The following WDR72 variants were observed in gnomAD, a reference collection of about 807,000 sequenced individuals.
WDR72 encodes WD repeat-containing protein 72.
Under a neutral mutation model 124.2 loss-of-function variants are expected in WDR72, and 120 were observed. The observed-to-expected ratio is 0.97, with a 90% CI of 0.83 to 1.12. WDR72 has a LOEUF of 1.12. WDR72 is among the 50% of genes most tolerant of loss of function. WDR72 has a pLI of 0.00. For synonymous variants in WDR72, 452 were observed against 441.7 expected, an observed-to-expected ratio of 1.02 and a Z score of -0.29; for missense variants, 1,387 against 1,278.8, an observed-to-expected ratio of 1.08 and a Z score of -1.29.
At chr15:53,613,846 T>G in intron 15 of WDR72, 89 bp from the exon 16 acceptor site, 1 of 826,842 alleles carries the variant, frequency 1.2e-6, no homozygotes, top group Non-Finnish European at 2.0e-6. Flanking sequence ...CATGACCACT[T>G]TAGCAAATTT....
At chr15:53,556,071 T>C (rs1203215017) in intron 18 of WDR72, among the ~76,000 whole-genome samples, 4 of 152,184 alleles carry the variant, frequency 2.6e-5, no homozygotes, top group Non-Finnish European at 4.4e-5. Flanking sequence ...GATGACAATG[T>C]ATTCCATCAT....
chr15:53,737,880 TTATAAAACTGTGACCC>T (rs1294601672), intron 1 of WDR72, among the ~76,000 whole-genome samples: 1 of 152,280 alleles, frequency 6.6e-6, no homozygotes, highest in African/African-American at 2.4e-5. Flanking sequence ...CATACAACAT[TTATAAAACTGTGACCC>T]TCCTGGACCA....
chr15:53,559,609 T>A (rs549486596), intron 18 of WDR72, among the ~76,000 whole-genome samples: 1 of 152,118 alleles, frequency 6.6e-6, no homozygotes, highest in African/African-American at 2.4e-5. Context: ...GAAGGTTTTG[T>A]GATCCTGACT....
At position 53,702,337 on chromosome 15, in the gene WDR72, C is replaced by A; in HGVS notation, c.1366G>T (p.Val456Phe). 6.2e-7 allele frequency: 1 copy of A among 1,613,426 alleles called. No homozygotes were observed. The highest frequency in any genetic ancestry group is 1.3e-5 in the African/African-American group (1 of 75,024). The change falls in exon 12 of 20, where the codon GTT becomes TTT. Residue 456 changes from valine (V) to phenylalanine (F), a missense_variant. Coordinates refer to ENST00000360509, the MANE Select transcript of WDR72 (RefSeq NM_182758.4). ...SLVKDSPPHKVLKGHHQSVTS... is the reference protein window; with the variant it reads ...SLVKDSPPHKFLKGHHQSVTS... Reference sequence around the variant, plus strand: ...ACACTTTGGTGGTGGCCTTTAAGAACTTTATGAGGGGGAGAATCTGAAAAA... The same window carrying A: ...ACACTTTGGTGGTGGCCTTTAAGAAATTTATGAGGGGGAGAATCTGAAAAA...
intron 18 of WDR72, among the ~76,000 whole-genome samples, chr15:53,533,226 C>G (rs7173490): frequency 0.81 from 122,578 of 151,996 alleles, 50,445 homozygotes; most frequent in East Asian, 0.91. Context: ...ATGGGGAGGA[C>G]AGTTTATTTA....
chr15:53,647,641 C>A (rs1013159429), intron 14 of WDR72, among the ~76,000 whole-genome samples: 6 of 152,224 alleles, frequency 3.9e-5, no homozygotes, highest in African/African-American at 1.4e-4. Flanking sequence ...GCTTCTGCTT[C>A]ATTAGCTCTG....
intron 18 of WDR72, among the ~76,000 whole-genome samples, chr15:53,553,605 C>G (rs189763956): frequency 1.2e-4 from 18 of 152,172 alleles, no homozygotes; most frequent in Admixed American, 1.1e-3. Flanking sequence ...TATTTTAGCA[C>G]TGGCAAAGAA....
chr15:53,699,810 C>T lies in WDR72; in HGVS notation c.1705G>A (p.Glu569Lys). The change falls in exon 13 of 20, where the codon GAG (glutamate) becomes AAG (lysine). Residue 569 changes from glutamate to lysine, a missense_variant. Transcript: ENST00000360509. ...GCACATCCAACAATTAAAAAATTCT[C>T]AACCGGGTGCCATTTTATCATCCTC... ...PVRMIKWHPV[E>K]NFLIVGCADD... 2 of 1,614,164 alleles carry T rather than the reference C, an allele frequency of 1.2e-6. No individual in the cohort carries two copies. The highest frequency in any genetic ancestry group is 1.1e-5 in the South Asian group (1 of 91,084).
Position 53,715,323 on chromosome 15 carries a change from A to G in WDR72, c.384T>C (p.Leu128=), listed in dbSNP as rs1259376042. The change falls in exon 5 of 20, where the codon CTT becomes CTC. Residue 128 remains leucine (L), a synonymous_variant. Transcript: ENST00000360509. ...SFRMTGEGWL[L]CCGEYQDVLI... ...GGACATCTTGATATTCTCCACAACA[A>G]AGAAGCCAGCCTTCTCCTGTCATCC... 4 of 1,614,060 alleles carry G rather than the reference A, an allele frequency of 2.5e-6. No individual in the cohort carries two copies. The highest frequency in any genetic ancestry group is 3.4e-6 in the Non-Finnish European group (4 of 1,180,024).
chr15:53,539,939 G>A (rs1230623100), intron 18 of WDR72, among the ~76,000 whole-genome samples: 1 of 152,062 alleles, frequency 6.6e-6, no homozygotes, highest in East Asian at 1.9e-4. Flanking sequence ...AAAGATAAAA[G>A]GATAGACAGG....
At chr15:53,758,214 TG>T (rs1007253842) in intron 1 of WDR72, among the ~76,000 whole-genome samples, 5 of 152,246 alleles carry the variant, frequency 3.3e-5, no homozygotes, top group East Asian at 1.9e-4. Flanking sequence ...TTGCCCAGGC[TG>T]GTCTGGAACT....
chr15:53,623,133 A>T (rs2014068410), intron 14 of WDR72, among the ~76,000 whole-genome samples: 1 of 151,836 alleles, frequency 6.6e-6, no homozygotes, highest in African/African-American at 2.4e-5. Context: ...TAATTAACTA[A>T]CTCTTTTTTT....
chr15:53,586,098 C>G (rs1448975934), intron 18 of WDR72, among the ~76,000 whole-genome samples: 1 of 151,998 alleles, frequency 6.6e-6, no homozygotes, highest in Non-Finnish European at 1.5e-5. Context: ...ACATCATATT[C>G]TTCTCAGATT....
intron 18 of WDR72, among the ~76,000 whole-genome samples, chr15:53,564,629 C>CGAT (rs999449181): frequency 6.6e-5 from 10 of 151,846 alleles, no homozygotes; most frequent in Non-Finnish European, 1.5e-4. Flanking sequence ...GTATGGCCTT[C>CGAT]GATAAACCAT....
chr15:53,601,302 C>T (rs1359601531), intron 17 of WDR72, among the ~76,000 whole-genome samples: 1 of 152,062 alleles, frequency 6.6e-6, no homozygotes, highest in Non-Finnish European at 1.5e-5. Context: ...CTCAGACAAG[C>T]AAATACTAAG....
intron 18 of WDR72, among the ~76,000 whole-genome samples, chr15:53,526,770 A>T (rs1892142857): frequency 6.6e-6 from 1 of 152,122 alleles, no homozygotes; most frequent in Non-Finnish European, 1.5e-5. Context: ...TTTGACATCA[A>T]TATAATGCAA....
rs984342412 is a variant in WDR72, at chr15:53,673,282, G to GA, written c.1766-7515dup. On this transcript the variant is annotated intron_variant, in intron 13 of 19. Coordinates refer to ENST00000360509, the MANE Select transcript of WDR72 (RefSeq NM_182758.4). Reference sequence around the variant, plus strand: ...AATTAACTCGGTCCACTAAGTCTATGAAAAAAAAGAATAGCTATTATGCTC... The same window carrying GA: ...AATTAACTCGGTCCACTAAGTCTATGAAAAAAAAAGAATAGCTATTATGCTC... Among the ~76,000 whole-genome samples the GA allele has an allele frequency of 1.7e-4, 26 of 151,778 alleles. 1 individual carries two copies. The highest frequency in any genetic ancestry group is 5.8e-4 in the East Asian group (3 of 5,170).
intron 18 of WDR72, among the ~76,000 whole-genome samples, chr15:53,559,523 G>A (rs1432457542): frequency 6.6e-6 from 1 of 151,970 alleles, no homozygotes; most frequent in African/African-American, 2.4e-5. Context: ...TTCTTTCAAA[G>A]TGAGAAGTTA....
At chr15:53,694,918 G>A (rs2016956132) in intron 13 of WDR72, among the ~76,000 whole-genome samples, 1 of 152,154 alleles carries the variant, frequency 6.6e-6, no homozygotes. Flanking sequence ...CAGGCCTGCT[G>A]CCTGTTGTTG....
Sources: allele counts gnomAD v4.1 joint callset (sites outside exome capture counted in the v4.1 genomes callset), GRCh38; gene constraint gnomAD v4.1.1; transcripts MANE v1.5; gene names NCBI Gene and HGNC (gene_info 2026-07-23, HGNC 2026-07-21).